The following STXBP5L variants were observed in gnomAD, a reference collection of about 807,000 sequenced individuals.
STXBP5L encodes syntaxin-binding protein 5-like.
STXBP5L carries 65 observed loss-of-function variants against 144.5 expected under a neutral mutation model. The observed-to-expected ratio is 0.45, with a 90% CI of 0.37 to 0.55. STXBP5L has a LOEUF of 0.55. Among genes scored for constraint, STXBP5L ranks in the 20% least tolerant of loss-of-function variants. The pLI is 0.00. For synonymous variants in STXBP5L, 505 were observed against 469.6 expected (o/e 1.08, Z -0.97); for missense variants, 1,298 against 1,405.5 (o/e 0.92, Z 1.22).
At chr3:121,052,837 C>T (rs1396093687) in intron 5 of STXBP5L, among the ~76,000 whole-genome samples, 4 of 152,130 alleles carry the variant, frequency 2.6e-5, no homozygotes, top group African/African-American at 9.7e-5. Context: ...GATTGTGTAT[C>T]TAGAAAACCC....
intron 22 of STXBP5L, among the ~76,000 whole-genome samples, chr3:121,390,239 G>A (rs2046543232): frequency 6.6e-6 from 1 of 152,050 alleles, no homozygotes; most frequent in Non-Finnish European, 1.5e-5. Context: ...CTATTTGCTT[G>A]GTAGATCTTC....
At chr3:121,153,052 G>T (rs951445431) in intron 8 of STXBP5L, among the ~76,000 whole-genome samples, 1 of 152,022 alleles carries the variant, frequency 6.6e-6, no homozygotes, top group Non-Finnish European at 1.5e-5. Context: ...GAAAAATTTT[G>T]TAAATAGTAA....
chr3:121,357,222 AC>A, intron 20 of STXBP5L: 1 of 217,336 alleles, frequency 4.6e-6, no homozygotes, highest in East Asian at 1.4e-4. Context: ...CTGGAAGCTA[AC>A]CCTGGTGATC....
intron 3 of STXBP5L, among the ~76,000 whole-genome samples, chr3:121,037,261 T>C (rs1946827945): frequency 6.6e-6 from 1 of 151,852 alleles, no homozygotes; most frequent in Non-Finnish European, 1.5e-5. Context: ...TTCTTTTCTT[T>C]TTTTTTTGAA....
At chr3:121,398,087 G>A (rs571127823) in intron 22 of STXBP5L, among the ~76,000 whole-genome samples, 28 of 152,072 alleles carry the variant, frequency 1.8e-4, no homozygotes, top group South Asian at 4.2e-4. Flanking sequence ...TACTTTTTCC[G>A]ATTCCCACAT....
intron 7 of STXBP5L, among the ~76,000 whole-genome samples, chr3:121,136,732 T>TA (rs2045272788): frequency 6.6e-6 from 1 of 152,188 alleles, no homozygotes; most frequent in African/African-American, 2.4e-5. Context: ...GCTGGATATA[T>TA]AGCCAAAGAA....
At chr3:121,353,928 A>G (rs1373977965) in intron 20 of STXBP5L, among the ~76,000 whole-genome samples, 1 of 152,022 alleles carries the variant, frequency 6.6e-6, no homozygotes, top group Non-Finnish European at 1.5e-5. Flanking sequence ...TCTGCCTTCA[A>G]TTCGTTATTT....
intron 3 of STXBP5L, among the ~76,000 whole-genome samples, chr3:121,034,400 A>T (rs1253884889): frequency 1.3e-5 from 2 of 152,126 alleles, no homozygotes; most frequent in Non-Finnish European, 2.9e-5. Context: ...ACAGTTTCTG[A>T]GTTGATCTAA....
At chr3:121,200,652 G>A (rs1031996789) in intron 9 of STXBP5L, among the ~76,000 whole-genome samples, 1 of 152,108 alleles carries the variant, frequency 6.6e-6, no homozygotes, top group Non-Finnish European at 1.5e-5. Flanking sequence ...TGATTTAGCT[G>A]TGTCCCAGAG....
intron 11 of STXBP5L, among the ~76,000 whole-genome samples, chr3:121,225,124 G>A (rs2049081269): frequency 6.6e-6 from 1 of 152,088 alleles, no homozygotes; most frequent in Non-Finnish European, 1.5e-5. Flanking sequence ...TCTATTGACA[G>A]TGCCGGAAAG....
chr3:121,414,772 C>G (rs927439703), intron 24 of STXBP5L, among the ~76,000 whole-genome samples: 2 of 152,190 alleles, frequency 1.3e-5, no homozygotes, highest in African/African-American at 4.8e-5. Flanking sequence ...TCTATTATAG[C>G]ATTTATCCCA....
At chr3:121,105,626 C>T (rs1216501308) in intron 5 of STXBP5L, among the ~76,000 whole-genome samples, 2 of 151,936 alleles carry the variant, frequency 1.3e-5, no homozygotes, top group Admixed American at 6.6e-5. Flanking sequence ...CTACTACAAC[C>T]ACTCTGGTAA....
chr3:121,170,510 AT>A (rs2046668798), intron 9 of STXBP5L, among the ~76,000 whole-genome samples: 1 of 152,220 alleles, frequency 6.6e-6, no homozygotes, highest in Non-Finnish European at 1.5e-5. Flanking sequence ...TAAATTGTAT[AT>A]CACCACTGAT....
At chr3:120,987,065 G>T (rs1339882013) in intron 3 of STXBP5L, among the ~76,000 whole-genome samples, 1 of 151,946 alleles carries the variant, frequency 6.6e-6, no homozygotes, top group Non-Finnish European at 1.5e-5. Flanking sequence ...TGAAAGAAAT[G>T]AATATAAGCA....
At chr3:121,130,405 T>C (rs2044928060) in intron 7 of STXBP5L, among the ~76,000 whole-genome samples, 2 of 152,252 alleles carry the variant, frequency 1.3e-5, no homozygotes, top group South Asian at 2.1e-4. Context: ...ATATTTAGGA[T>C]GTTAGCCTTG....
chr3:120,923,335 T>C (rs550975246), intron 2 of STXBP5L, among the ~76,000 whole-genome samples: 83 of 152,066 alleles, frequency 5.5e-4, no homozygotes, highest in Middle Eastern at 3.4e-3. Context: ...TTCTCAACTT[T>C]ATTATTTCTT....
intron 9 of STXBP5L, among the ~76,000 whole-genome samples, chr3:121,171,265 A>C (rs1411808250): frequency 6.6e-6 from 1 of 152,214 alleles, no homozygotes; most frequent in African/African-American, 2.4e-5. Context: ...CAATGGGCAA[A>C]AGCTGTAAGC....
At chr3:121,160,696 AG>A (rs2046293019) in intron 9 of STXBP5L, among the ~76,000 whole-genome samples, 1 of 152,088 alleles carries the variant, frequency 6.6e-6, no homozygotes, top group African/African-American at 2.4e-5. Context: ...ATTAAATGTA[AG>A]TACTGATGAG....
intron 3 of STXBP5L, among the ~76,000 whole-genome samples, chr3:121,009,929 G>T (rs976165685): frequency 6.6e-6 from 1 of 151,852 alleles, no homozygotes; most frequent in Non-Finnish European, 1.5e-5. Context: ...CTCCTACTGA[G>T]TTTTAAAAAT....
Sources: gnomAD v4.1 joint callset for allele counts (sites outside exome capture counted in the v4.1 genomes callset) on GRCh38, gnomAD v4.1.1 for gene constraint, MANE v1.5 for transcripts, NCBI Gene and HGNC (gene_info 2026-07-23, HGNC 2026-07-21) for gene names.